Variants in TPGS1 observed in about 807,000 individuals in gnomAD.
TPGS1 encodes the protein tubulin polyglutamylase complex subunit 1.
A neutral mutation model predicts 11.9 loss-of-function variants in TPGS1; 18 were observed. The ratio of observed to expected loss-of-function variants is 1.51; its 90% CI spans 1.04 to 2.24. The LOEUF (loss-of-function observed/expected upper bound fraction) is 2.24. TPGS1 is among the 30% of genes most tolerant of loss of function. The probability of loss-of-function intolerance (pLI) is 0.00; values close to 1 mark genes in which losing one functional copy is unlikely to be tolerated. For synonymous variants in TPGS1, 247 were observed against 218.2 expected (o/e 1.13, Z -1.16); for missense variants, 500 against 443.0 (o/e 1.13, Z -1.16).
chr19:518,683 G>T (rs912169700), intron 1 of TPGS1, among the ~76,000 whole-genome samples: 1 of 144,608 alleles, frequency 6.9e-6, no homozygotes, highest in Admixed American at 6.9e-5. Context: ...CCCTAGCTGG[G>T]AGAAGGGAGG....
Position 519,547 on chromosome 19 carries a change from C to T in TPGS1, c.*124C>T. The T allele has an allele frequency of 1.0e-6, 1 of 954,748 alleles. No individual in the cohort carries two copies. Among genetic ancestry groups the T allele is most frequent in the Non-Finnish European group, 1.3e-6 (1 of 756,262 alleles). 59.1% of individuals were successfully genotyped at this position (954,748 alleles called of 1,614,324 possible). On this transcript the variant is annotated 3_prime_UTR_variant, in exon 2 of 2. Transcript: ENST00000359315. ...CAGGCGCCCAGCCCTGCGGAGGAGGCCGGGGCTCCCAGGAAGCGGACGCCC... is the reference window on the plus strand; with the variant it reads ...CAGGCGCCCAGCCCTGCGGAGGAGGTCGGGGCTCCCAGGAAGCGGACGCCC...
rs573657520 is a variant in TPGS1 at position 518,991 on chromosome 19, C to G, written c.441C>G (p.Leu147=). 1,703 of 1,580,906 alleles carry G rather than the reference C, an allele frequency of 1.1e-3. 37 individuals are homozygous for G. In the South Asian group the frequency reaches 0.018, roughly 17 times the overall value. Residue 147 remains leucine (L), a synonymous_variant, in exon 2 of 2, where the codon CTC becomes CTG. Coordinates refer to ENST00000359315, the MANE Select transcript of TPGS1 (RefSeq NM_033513.3). ...ACGGGCGCACCTACAGCGAGCTGCT[C>G]AGGCGCATCTGCCGGGACGGCCAAG... The part of the protein sequence containing the change: ...GLDGRTYSEL[L]RRICRDGQAP...
intron 1 of TPGS1, among the ~76,000 whole-genome samples, chr19:515,893 A>G (rs979647741): frequency 7.3e-5 from 11 of 150,466 alleles, no homozygotes; most frequent in Admixed American, 1.3e-4. Context: ...TTAGCCGGGC[A>G]TAGTGGCGGA....
chr19:511,695 G>A (rs141243057), intron 1 of TPGS1, among the ~76,000 whole-genome samples: 253 of 152,384 alleles, frequency 1.7e-3, no homozygotes, highest in Middle Eastern at 3.4e-3. Context: ...CAGGGCTGCC[G>A]CCCCCAGAGA....
At chr19:518,233 G>C (rs375957684) in intron 1 of TPGS1, among the ~76,000 whole-genome samples, 1 of 95,154 alleles carries the variant, frequency 1.1e-5, no homozygotes, top group Non-Finnish European at 2.2e-5. Context: ...GGGAGGCCCC[G>C]GCTGGGTAGG....
Position 518,755 on chromosome 19 carries a change from G to C in TPGS1, c.339-134G>C, listed in dbSNP as rs1354481114. 22 of 944,960 alleles carry C rather than the reference G, an allele frequency of 2.3e-5. No homozygotes were observed. The African/African-American group carries it at 3.7e-4, about 16-fold the overall frequency. 58.5% of individuals were successfully genotyped at this position (944,960 alleles called of 1,614,324 possible). A position where few individuals can be genotyped will look rare whatever the true frequency, so the allele number is the denominator to read the frequency against. ...GAGGAGGAGGGGAGGCCGGGGATGG[G>C]GGGTAGGAGGAGAGGGGAGGCCAGG... On this transcript the variant is annotated intron_variant, in intron 1 of 1. Coordinates refer to ENST00000359315, the MANE Select transcript of TPGS1 (RefSeq NM_033513.3).
At chr19:509,486 G>A (rs1978722782) in intron 1 of TPGS1, 1 of 152,470 alleles carries the variant, frequency 6.6e-6, no homozygotes, top group Non-Finnish European at 1.5e-5. Context: ...AGTTCTGGAG[G>A]GCAGAAGTCT....
intron 1 of TPGS1, among the ~76,000 whole-genome samples, chr19:510,931 G>A (rs1173528174): frequency 2.0e-5 from 3 of 152,250 alleles, no homozygotes; most frequent in African/African-American, 4.8e-5. Context: ...TCCCCGAGTC[G>A]TGACAACCAC....
At chr19:518,537 G>T (rs932202461) in intron 1 of TPGS1, among the ~76,000 whole-genome samples, 2 of 103,400 alleles carry the variant, frequency 1.9e-5, no homozygotes, top group African/African-American at 8.1e-5. Context: ...GGGATGCTTG[G>T]GGGAGGGAGG....
intron 1 of TPGS1, among the ~76,000 whole-genome samples, chr19:516,041 AAAAAAAGG>A (rs55772410): frequency 0.069 from 10,495 of 151,554 alleles, 497 homozygotes; most frequent in East Asian, 0.16. Flanking sequence ...CAAAAAAAAA[AAAAAAAGG>A]AAGAAAGAAA....
chr19:515,260 G>A (rs146207251), intron 1 of TPGS1, among the ~76,000 whole-genome samples: 7 of 152,248 alleles, frequency 4.6e-5, no homozygotes, highest in African/African-American at 9.6e-5. Flanking sequence ...CACTGGCCCC[G>A]AGCAGCAACT....
Position 507,696 on chromosome 19 carries a change from A to G in TPGS1, c.190A>G (p.Ile64Val), listed in dbSNP as rs760844827. 7.9e-6 allele frequency: 11 copies of G among 1,388,874 alleles called. 1 individual carries two copies. Among genetic ancestry groups the G allele is most frequent in the Middle Eastern group, 3.8e-4 (2 of 5,270 alleles). 86.0% of individuals were successfully genotyped at this position (1,388,874 alleles called of 1,614,324 possible). The stretch of plus-strand genomic sequence containing the variant: ...GCTGGAGGCGCGGCCCGAGGAGCCG[A>G]TCGCCTTCCTGGCTCACTACTTCGA... ...KVLEARPEEP[I>V]AFLAHYFENM... The change falls in exon 1 of 2, where the codon ATC (isoleucine) becomes GTC (valine). Residue 64 changes from isoleucine (I) to valine (V), a missense_variant. Ile to Val is a conservative substitution (Grantham distance 29, BLOSUM62 3). Coordinates refer to ENST00000359315, the MANE Select transcript of TPGS1 (RefSeq NM_033513.3).
intron 1 of TPGS1, among the ~76,000 whole-genome samples, chr19:518,443 G>C (rs1278005552): frequency 1.1e-4 from 14 of 128,708 alleles, no homozygotes; most frequent in African/African-American, 3.3e-4. Context: ...TTGGGATACT[G>C]GGGGGAGGAG....
chr19:516,324 G>A (rs900007191), intron 1 of TPGS1, among the ~76,000 whole-genome samples: 10 of 152,078 alleles, frequency 6.6e-5, no homozygotes, highest in South Asian at 2.1e-4. Flanking sequence ...CGTGAGGCGG[G>A]AAGCAAGTTA....
At chr19:511,974 C>T (rs1159457824) in intron 1 of TPGS1, among the ~76,000 whole-genome samples, 1 of 152,162 alleles carries the variant, frequency 6.6e-6, no homozygotes, top group Admixed American at 6.5e-5. Context: ...TGGGTTGACG[C>T]CATTCTCCTG....
In TPGS1 at chr19:507,508, TGGC is replaced by T. The variant is rs746876483; in HGVS notation, c.6_8del (p.Ala3?). 7.8e-6 allele frequency: 11 copies of T among 1,411,400 alleles called. No individual in the cohort carries two copies. Among genetic ancestry groups the T allele is most frequent in the East Asian group, 5.6e-5 (2 of 35,424 alleles). The allele number at this position is 1,411,400 out of a possible 1,614,324, so 87.4% of individuals were successfully genotyped here. A position where few individuals can be genotyped will look rare whatever the true frequency, so the allele number is the denominator to read the frequency against. ...CCGGTCCCGCTGCCCTCAGCGAAGA[TGGC>T]GGCAGTGGAGAAGCGGCGGCAAGCG... On this transcript the variant is annotated start_lost and inframe_deletion, in exon 1 of 2. Coordinates refer to ENST00000359315, the MANE Select transcript of TPGS1 (RefSeq NM_033513.3).
Position 518,883 on chromosome 19 carries a change from C to G in TPGS1, c.339-6C>G. 6 of 1,512,306 alleles carry G rather than the reference C, an allele frequency of 4.0e-6. No homozygotes were observed. Among genetic ancestry groups the G allele is most frequent in the Non-Finnish European group, 5.3e-6 (6 of 1,137,668 alleles). The allele number at this position is 1,512,306 out of a possible 1,614,324, so 93.7% of individuals were successfully genotyped here. On this transcript the variant is annotated splice_polypyrimidine_tract_variant and splice_region_variant and intron_variant, in intron 1 of 1. Coordinates refer to ENST00000359315, the MANE Select transcript of TPGS1 (RefSeq NM_033513.3). ...CTGCCGGCCCCCAACGTCCCCGTCT[C>G]CGCAGGGCCGCCTTCAACAACAACG...
intron 1 of TPGS1, among the ~76,000 whole-genome samples, chr19:512,928 G>A (rs1486328606): frequency 6.6e-6 from 1 of 152,236 alleles, no homozygotes; most frequent in Admixed American, 6.5e-5. Flanking sequence ...ACCTGCAGCC[G>A]CTGCCAAGAG....
intron 1 of TPGS1, among the ~76,000 whole-genome samples, chr19:512,124 G>A (rs1978814524): frequency 1.3e-5 from 2 of 152,140 alleles, no homozygotes; most frequent in African/African-American, 4.8e-5. Context: ...ACCCGCCTCG[G>A]CCTCCCAAAG....
Sources: allele counts gnomAD v4.1 joint callset (sites outside exome capture counted in the v4.1 genomes callset), GRCh38; gene constraint gnomAD v4.1.1; transcripts MANE v1.5; gene names NCBI Gene and HGNC (gene_info 2026-07-23, HGNC 2026-07-21).